ADGRL3: variants seen among roughly 807,000 people sequenced by gnomAD.
The protein encoded by ADGRL3 is adhesion G protein-coupled receptor L3, also known as calcium-independent alpha-latrotoxin receptor 3.
In ADGRL3, 62 loss-of-function variants were observed where a neutral mutation model predicts 153.5. That is an observed-to-expected ratio of 0.40 (90% confidence interval 0.33 to 0.50). ADGRL3 has a LOEUF of 0.50. Among genes scored for constraint, ADGRL3 ranks in the 20% least tolerant of loss-of-function variants. The probability of loss-of-function intolerance (pLI) is 0.47; values close to 1 mark genes in which losing one functional copy is unlikely to be tolerated. For synonymous variants in ADGRL3, 710 were observed against 672.5 expected (o/e 1.06, Z -0.86); for missense variants, 1,641 against 1,859.4 (o/e 0.88, Z 2.16).
chr4:61,746,249 T>A (rs57636909), intron 8 of ADGRL3, among the ~76,000 whole-genome samples: 13,141 of 151,856 alleles, frequency 0.087, 1,196 homozygotes, highest in African/African-American at 0.23. Flanking sequence ...CTCCCACATA[T>A]TAATAATGGG....
chr4:61,851,976 A>G (rs1581148064), intron 9 of ADGRL3, among the ~76,000 whole-genome samples: 1 of 152,266 alleles, frequency 6.6e-6, no homozygotes, highest in Middle Eastern at 3.4e-3. Context: ...GTTTACGGAG[A>G]AAAAAGTGTC....
intron 6 of ADGRL3, among the ~76,000 whole-genome samples, chr4:61,719,636 C>T (rs887219628): frequency 3.3e-5 from 5 of 150,314 alleles, no homozygotes; most frequent in African/African-American, 1.2e-4. Context: ...AGAGTCTCAC[C>T]CGGTCACCCA....
chr4:62,037,503 AGT>A (rs139981466), intron 23 of ADGRL3, among the ~76,000 whole-genome samples: 11 of 151,356 alleles, frequency 7.3e-5, no homozygotes, highest in South Asian at 2.1e-4. Flanking sequence ...TGTGTGTATA[AGT>A]GTGTGTGTGT....
chr4:61,511,203 C>A (rs1186815648), intron 3 of ADGRL3, among the ~76,000 whole-genome samples: 1 of 152,010 alleles, frequency 6.6e-6, no homozygotes, highest in African/African-American at 2.4e-5. Context: ...ACTAAAGATA[C>A]AAAAAAATTA....
intron 9 of ADGRL3, among the ~76,000 whole-genome samples, chr4:61,849,323 G>C (rs1561355480): frequency 1.3e-5 from 2 of 152,180 alleles, no homozygotes; most frequent in Non-Finnish European, 2.9e-5. Context: ...ATGATTTTTA[G>C]CAGTGCATTA....
intron 8 of ADGRL3, among the ~76,000 whole-genome samples, chr4:61,747,820 C>G (rs2096689167): frequency 2.0e-5 from 3 of 151,702 alleles, no homozygotes; most frequent in African/African-American, 7.3e-5. Context: ...CCCTCTCTCA[C>G]CACTCCTACT....
chr4:61,853,408 T>G (rs1159061844), intron 9 of ADGRL3, among the ~76,000 whole-genome samples: 1 of 152,178 alleles, frequency 6.6e-6, no homozygotes, highest in East Asian at 1.9e-4. Flanking sequence ...ACTCAGATTG[T>G]CCCTTCGCAA....
chr4:61,209,237 A>G (rs1038394530), intron 1 of ADGRL3, among the ~76,000 whole-genome samples: 2 of 152,130 alleles, frequency 1.3e-5, no homozygotes, highest in African/African-American at 4.8e-5. Flanking sequence ...AGTGTTTTTA[A>G]TTATGAGCTT....
rs938965871 is a variant in ADGRL3 at position 61,658,075 on chromosome 4, T to G, written c.474-18751T>G. Reference sequence around the variant, plus strand: ...AAGTCAGTCCACCATAATTTATGCTTCTTTTTGTATTCTTTTTCTTCATGG... The same window carrying G: ...AAGTCAGTCCACCATAATTTATGCTGCTTTTTGTATTCTTTTTCTTCATGG... On this transcript the variant is annotated intron_variant, in intron 5 of 26. Transcript: ENST00000683033. 5.3e-5 allele frequency among the ~76,000 whole-genome samples: 8 copies of G among 152,262 alleles called. No individual in the cohort carries two copies. The East Asian group carries it at 7.7e-4, about 15-fold the overall frequency.
chr4:61,856,176 TGGGCAACATA>T (rs1051660241), intron 9 of ADGRL3, among the ~76,000 whole-genome samples: 1 of 152,140 alleles, frequency 6.6e-6, no homozygotes, highest in Non-Finnish European at 1.5e-5. Context: ...GAGATCAGCC[TGGGCAACATA>T]GCCAGACTCC....
intron 23 of ADGRL3, among the ~76,000 whole-genome samples, chr4:62,032,492 C>T (rs1019213701): frequency 6.6e-6 from 1 of 151,326 alleles, no homozygotes; most frequent in Non-Finnish European, 1.5e-5. Flanking sequence ...GTTAATTAAC[C>T]TCCCCATGTC....
intron 1 of ADGRL3, among the ~76,000 whole-genome samples, chr4:61,335,368 G>A (rs1417048691): frequency 6.6e-6 from 1 of 152,126 alleles, no homozygotes; most frequent in Non-Finnish European, 1.5e-5. Flanking sequence ...TCCCTGTAAT[G>A]AGAAATCACA....
At chr4:61,554,482 C>G (rs1254899276) in intron 4 of ADGRL3, among the ~76,000 whole-genome samples, 1 of 152,076 alleles carries the variant, frequency 6.6e-6, no homozygotes, top group South Asian at 2.1e-4. Context: ...AGGTGTGAGC[C>G]ACTGCGCCCG....
intron 8 of ADGRL3, among the ~76,000 whole-genome samples, chr4:61,777,190 G>A (rs1302979944): frequency 2.0e-5 from 3 of 152,128 alleles, no homozygotes; most frequent in Non-Finnish European, 2.9e-5. Context: ...AAAATTAGCC[G>A]GGCGTGGTGG....
intron 1 of ADGRL3, among the ~76,000 whole-genome samples, chr4:61,363,528 A>T (rs1383689336): frequency 1.3e-5 from 2 of 152,166 alleles, no homozygotes; most frequent in Admixed American, 1.3e-4. Flanking sequence ...TTGTAGATAC[A>T]TGTTGCTTTG....
chr4:61,461,880 G>A (rs1226741309), intron 2 of ADGRL3, among the ~76,000 whole-genome samples: 1 of 152,044 alleles, frequency 6.6e-6, no homozygotes, highest in African/African-American at 2.4e-5. Context: ...GCTCAGAAAT[G>A]CATTCTTATT....
At position 61,697,279 on chromosome 4, in the gene ADGRL3, G is replaced by T. The variant is rs116731493; in HGVS notation, c.583+20344G>T. Among the ~76,000 whole-genome samples, 717 of 152,102 alleles carry T rather than the reference G, an allele frequency of 4.7e-3. 6 individuals carry two copies. Among genetic ancestry groups the T allele is most frequent in the Admixed American group, 7.1e-3 (109 of 15,270 alleles). On this transcript the variant is annotated intron_variant, in intron 6 of 26. Transcript: ENST00000683033. ...TTTAAATAAATGTTATCCAGAATTGGGACAGGCATGGTGGCACATGGCTGT... is the reference window on the plus strand; with the variant it reads ...TTTAAATAAATGTTATCCAGAATTGTGACAGGCATGGTGGCACATGGCTGT...
intron 1 of ADGRL3, among the ~76,000 whole-genome samples, chr4:61,204,320 A>G (rs961147856): frequency 3.3e-5 from 5 of 152,224 alleles, no homozygotes; most frequent in African/African-American, 1.2e-4. Context: ...GATTTAATTC[A>G]TGAGAATCTA....
intron 9 of ADGRL3, among the ~76,000 whole-genome samples, chr4:61,869,736 C>T (rs1265371643): frequency 4.0e-5 from 6 of 151,124 alleles, no homozygotes; most frequent in East Asian, 2.0e-4. Flanking sequence ...GTCGGGAGTT[C>T]GAGACCAGCC....
Sources: gnomAD v4.1 joint callset for allele counts (sites outside exome capture counted in the v4.1 genomes callset) on GRCh38, gnomAD v4.1.1 for gene constraint, MANE v1.5 for transcripts, NCBI Gene and HGNC (gene_info 2026-07-23, HGNC 2026-07-21) for gene names.